Variants in BCL2 observed in about 807,000 individuals in gnomAD.
The protein encoded by BCL2 is apoptosis regulator Bcl-2.
A neutral mutation model predicts 14.2 loss-of-function variants in BCL2; 1 was observed. The observed-to-expected ratio is 0.07, with a 90% CI of 0.02 to 0.33. BCL2 has a LOEUF of 0.33. Ranked by LOEUF, BCL2 falls within the 10% of genes least tolerant of loss-of-function variation. The pLI is 0.99. For synonymous variants in BCL2, 151 were observed against 137.2 expected (o/e 1.10, Z -0.70); for missense variants, 247 against 305.9 (o/e 0.81, Z 1.44).
chr18:63,318,658 G>A lies in BCL2; in HGVS notation c.9C>T (p.His3=), dbSNP rs773580172. 1.1e-5 allele frequency: 18 copies of A among 1,612,604 alleles called. No homozygotes were observed. Among genetic ancestry groups the A allele is most frequent in the South Asian group, 6.6e-5 (6 of 91,070 alleles). Residue 3 remains histidine (H), a synonymous_variant, in exon 2 of 3, where the codon CAC becomes CAT. Coordinates refer to ENST00000333681, the MANE Select transcript of BCL2 (RefSeq NM_000633.3). This position sits in a 1 kb window ranked among gnomAD's most constrained non-coding sequence, Gnocchi z 7.4. ...GGTTATCGTACCCTGTTCTCCCAGC[G>A]TGCGCCATCCTTCCCAGAGGAAAAG... MA[H]AGRTGYDNRE...
chr18:63,174,043 G>C lies in BCL2; in HGVS notation c.586-45284C>G, dbSNP rs116622680. On this transcript the variant is annotated intron_variant, in intron 2 of 2. Coordinates refer to ENST00000333681, the MANE Select transcript of BCL2 (RefSeq NM_000633.3). ...TTGTGTTTGTGAATTTTTCTGGAGA[G>C]AGGATACATAGCTGTAATTTAATTA... 3.5e-3 allele frequency among the ~76,000 whole-genome samples: 530 copies of C among 152,300 alleles called. 4 individuals carry two copies. Among genetic ancestry groups the C allele is most frequent in the African/African-American group, 0.012 (512 of 41,560 alleles).
At chr18:63,235,674 T>C (rs1164302029) in intron 2 of BCL2, among the ~76,000 whole-genome samples, 1 of 151,560 alleles carries the variant, frequency 6.6e-6, no homozygotes, top group Admixed American at 6.6e-5. Context: ...CGGGTGGAAA[T>C]GGGGAAAGTC....
chr18:63,318,784 ATTC>A lies in BCL2; in HGVS notation c.-121_-119del, dbSNP rs1913596850. ...AGCTATTTTATTGGATGTGCTTTGC[ATTC>A]TTGGACGAGGGGGTGTCTTCAATCA... On this transcript the variant is annotated 5_prime_UTR_variant, in exon 2 of 3. It adds an upstream start codon to the 5' untranslated region. Transcript: ENST00000333681. This position sits in a 1 kb window ranked among gnomAD's most constrained non-coding sequence, Gnocchi z 7.4. 2.0e-6 allele frequency: 3 copies of A among 1,500,316 alleles called. No homozygotes were observed. In the Admixed American group the frequency reaches 7.0e-5, roughly 35 times the overall value. The allele number at this position is 1,500,316 out of a possible 1,614,324, so 92.9% of individuals were successfully genotyped here. A position where few individuals can be genotyped will look rare whatever the true frequency, so the allele number is the denominator to read the frequency against.
At chr18:63,137,944 C>T (rs1914251898) in intron 2 of BCL2, among the ~76,000 whole-genome samples, 2 of 152,164 alleles carry the variant, frequency 1.3e-5, no homozygotes, top group African/African-American at 2.4e-5. Context: ...AACGTAGAGA[C>T]CACTGGGTAT....
intron 2 of BCL2, among the ~76,000 whole-genome samples, chr18:63,249,363 T>C (rs572951727): frequency 6.6e-6 from 1 of 152,208 alleles, no homozygotes; most frequent in Non-Finnish European, 1.5e-5. Context: ...CATAGTATCA[T>C]AGCATCACAG....
chr18:63,157,010 T>G (rs762138965), intron 2 of BCL2, among the ~76,000 whole-genome samples: 3 of 152,216 alleles, frequency 2.0e-5, no homozygotes, highest in Non-Finnish European at 4.4e-5. Flanking sequence ...CCACCCTTTT[T>G]CAAATTTCAA....
chr18:63,200,102 G>A (rs1005522554), intron 2 of BCL2, among the ~76,000 whole-genome samples: 8 of 152,130 alleles, frequency 5.3e-5, no homozygotes, highest in Non-Finnish European at 1.2e-4. Context: ...CCTTCGTTCT[G>A]CAGGAAGCCC....
chr18:63,299,942 T>G (rs1228043500), intron 2 of BCL2, among the ~76,000 whole-genome samples: 5 of 152,136 alleles, frequency 3.3e-5, no homozygotes, highest in Non-Finnish European at 5.9e-5. Flanking sequence ...TTTGTGTGTC[T>G]GTTTCCCCAG....
intron 2 of BCL2, among the ~76,000 whole-genome samples, chr18:63,274,234 T>C (rs558863312): frequency 5.9e-4 from 89 of 151,948 alleles, no homozygotes; most frequent in Non-Finnish European, 7.5e-4. Context: ...TAAACCTTAA[T>C]TAGGTCCATC....
chr18:63,302,003 C>T (rs969399566), intron 2 of BCL2, among the ~76,000 whole-genome samples: 4 of 151,968 alleles, frequency 2.6e-5, no homozygotes, highest in African/African-American at 7.3e-5. Flanking sequence ...TAATATTGGA[C>T]GAATATTTTT....
chr18:63,224,033 C>T (rs1249280750), intron 2 of BCL2, among the ~76,000 whole-genome samples: 1 of 151,900 alleles, frequency 6.6e-6, no homozygotes, highest in Non-Finnish European at 1.5e-5. Context: ...TGACACACAT[C>T]CTGAAAACAG....
chr18:63,228,160 C>G lies in BCL2; in HGVS notation c.585+89922G>C, dbSNP rs116132103. On this transcript the variant is annotated intron_variant, in intron 2 of 2. Coordinates refer to ENST00000333681, the MANE Select transcript of BCL2 (RefSeq NM_000633.3). ...ATTGTGAGGGCCCTGCTGTTCTGAC[C>G]TAATGACATGGGAAGAGAACACTCC... 4.6e-3 allele frequency among the ~76,000 whole-genome samples: 706 copies of G among 152,256 alleles called. 5 individuals carry two copies. The highest frequency in any genetic ancestry group is 0.016 in the African/African-American group (672 of 41,526).
chr18:63,286,976 A>G (rs1169232018), intron 2 of BCL2, among the ~76,000 whole-genome samples: 1 of 152,170 alleles, frequency 6.6e-6, no homozygotes, highest in Non-Finnish European at 1.5e-5. Context: ...GGATACTGGC[A>G]CTCATTCAAC....
intron 2 of BCL2, among the ~76,000 whole-genome samples, chr18:63,222,273 C>CAAAAAAAA (rs35852603): frequency 2.4e-5 from 2 of 83,290 alleles, no homozygotes; most frequent in African/African-American, 4.6e-5. Context: ...GACTCCACCT[C>CAAAAAAAA]AAAAAAAAAA....
chr18:63,158,101 T>C (rs1295653320), intron 2 of BCL2, among the ~76,000 whole-genome samples: 1 of 152,082 alleles, frequency 6.6e-6, no homozygotes, highest in Admixed American at 6.5e-5. Flanking sequence ...ATTCATTTGA[T>C]TGAGGAGGGT....
chr18:63,217,655 G>A (rs1395749790), intron 2 of BCL2, among the ~76,000 whole-genome samples: 1 of 152,176 alleles, frequency 6.6e-6, no homozygotes, highest in Non-Finnish European at 1.5e-5. Flanking sequence ...ACCATCCTTT[G>A]AGTTCAGTCC....
rs1913978950 is a variant in BCL2, at chr18:63,128,648, C to T, written c.697G>A (p.Gly233Ser). ...LALVGACITL[G>S]AYLGHK Reference sequence around the variant, plus strand: ...CTTCACTTGTGGCCCAGATAGGCACCCAGGGTGATGCAAGCTCCCACCAGG... The same window carrying T: ...CTTCACTTGTGGCCCAGATAGGCACTCAGGGTGATGCAAGCTCCCACCAGG... The change falls in exon 3 of 3, where the codon GGT becomes AGT. Residue 233 changes from glycine (G) to serine (S), a missense_variant. Gly to Ser is a moderately conservative substitution (Grantham distance 56). This residue lies in a region of BCL2 where 36 missense variants were observed against 24.9 expected (regional missense o/e 1.45). Transcript: ENST00000333681. The T allele has an allele frequency of 1.3e-6, 1 of 780,812 alleles. No individual in the cohort carries two copies. Among genetic ancestry groups the T allele is most frequent in the Non-Finnish European group, 2.4e-6 (1 of 418,042 alleles). 48.4% of individuals were successfully genotyped at this position (780,812 alleles called of 1,614,324 possible). A position where few individuals can be genotyped will look rare whatever the true frequency, so the allele number is the denominator to read the frequency against.
chr18:63,289,243 G>C (rs1340640457), intron 2 of BCL2, among the ~76,000 whole-genome samples: 26 of 152,080 alleles, frequency 1.7e-4, no homozygotes, highest in Non-Finnish European at 4.4e-5. Context: ...TAATATCAAA[G>C]AGCATGTGAC....
chr18:63,148,736 A>G (rs1914574927), intron 2 of BCL2, among the ~76,000 whole-genome samples: 1 of 152,186 alleles, frequency 6.6e-6, no homozygotes, highest in Non-Finnish European at 1.5e-5. Flanking sequence ...TCTCCTTATT[A>G]TAGAGGTATC....
Sources: gnomAD v4.1 joint callset for allele counts (sites outside exome capture counted in the v4.1 genomes callset) on GRCh38, gnomAD v4.1.1 for gene constraint, gnomAD v4.1.1 regional missense constraint, Gnocchi (gnomAD v3.1) non-coding constraint, MANE v1.5 for transcripts, NCBI Gene and HGNC (gene_info 2026-07-23, HGNC 2026-07-21) for gene names.